Variants in OTOGL observed in about 807,000 individuals in gnomAD.
OTOGL encodes otogelin-like protein.
In OTOGL, 285 loss-of-function variants were observed where a neutral mutation model predicts 318.5. That is an observed-to-expected ratio of 0.89 (90% CI 0.81 to 0.99). OTOGL has a LOEUF of 0.99. OTOGL is among the 50% of genes least tolerant of loss of function. The pLI is 0.00. For missense variants in OTOGL, 2,899 were observed against 2,845.6 expected (o/e 1.02, Z -0.43); for synonymous variants, 987 against 936.5 (o/e 1.05, Z -0.99).
At position 80,310,713 on chromosome 12, in the gene OTOGL, T is replaced by A. The variant is rs750090512; in HGVS notation, c.3436T>A (p.Ser1146Thr). 6.4e-7 allele frequency: 1 copy of A among 1,574,026 alleles called. No individual in the cohort carries two copies. Among genetic ancestry groups the A allele is most frequent in the Non-Finnish European group, 8.6e-7 (1 of 1,156,720 alleles). ...CSILYSDIFA[S>T]CRNVIDVTSF... ...CATTTTGTACAGTGATATTTTTGCTTCTTGTCGCAATGTGGTAAATGAATA... is the reference window on the plus strand; with the variant it reads ...CATTTTGTACAGTGATATTTTTGCTACTTGTCGCAATGTGGTAAATGAATA... Residue 1146 changes from serine (S) to threonine (T), a missense_variant, in exon 30 of 59, where the codon TCT becomes ACT. This residue lies in a region of OTOGL where 2,607 missense variants were observed against 2,524.9 expected (regional missense o/e 1.03). Transcript: ENST00000547103.
intron 1 of OTOGL, among the ~76,000 whole-genome samples, chr12:80,173,106 AAGTC>A (rs1199446051): frequency 6.6e-6 from 1 of 152,276 alleles, no homozygotes; most frequent in African/African-American, 2.4e-5. Context: ...GGGGAACAAA[AAGTC>A]AGTCATGTTA....
chr12:80,143,022 C>T (rs567696604), intron 1 of OTOGL, among the ~76,000 whole-genome samples: 1 of 152,166 alleles, frequency 6.6e-6, no homozygotes, highest in Admixed American at 6.5e-5. Context: ...GAAAGATGGG[C>T]TGGGATGAAG....
chr12:80,297,208 C>A (rs1284462559), intron 27 of OTOGL, among the ~76,000 whole-genome samples: 1 of 149,934 alleles, frequency 6.7e-6, no homozygotes, highest in East Asian at 1.9e-4. Flanking sequence ...GCCCTTGCAA[C>A]CCCCACCTAT....
intron 44 of OTOGL, among the ~76,000 whole-genome samples, chr12:80,351,330 T>G (rs1265229349): frequency 2.0e-5 from 3 of 152,038 alleles, no homozygotes; most frequent in Non-Finnish European, 4.4e-5. Context: ...TGTTTGTTTG[T>G]GTTTGAGATA....
At chr12:80,268,931 C>T (rs1249674434) in intron 22 of OTOGL, among the ~76,000 whole-genome samples, 2 of 151,320 alleles carry the variant, frequency 1.3e-5, no homozygotes, top group Non-Finnish European at 2.9e-5. Context: ...CATCCCTCCT[C>T]AATGAAAAAA....
chr12:80,180,586 G>A (rs1209072215), intron 1 of OTOGL, among the ~76,000 whole-genome samples: 1 of 152,186 alleles, frequency 6.6e-6, no homozygotes, highest in Admixed American at 6.5e-5. Context: ...CCCATTTAAG[G>A]TGGGTCAGTT....
At chr12:80,339,301 T>C in intron 43 of OTOGL, 37 bp downstream of exon 43, 2 of 768,184 alleles carry the variant, frequency 2.6e-6, no homozygotes, top group Non-Finnish European at 1.8e-6. Flanking sequence ...TTCGTCTGTT[T>C]TTTTTTTTTT....
rs199972356 is a variant in OTOGL, at chr12:80,108,936, G to GTATATATA, written c.-20+9342_-20+9349dup. On this transcript the variant is annotated intron_variant, in intron 1 of 58. Transcript: ENST00000547103. ...TATATGTGTATATATATATGTGTGT[G>GTATATATA]TATATATATATATATATACACACAC... Among the ~76,000 whole-genome samples the GTATATATA allele has an allele frequency of 1.0e-4, 13 of 128,228 alleles. 1 individual carries two copies. The highest frequency in any genetic ancestry group is 3.5e-4 in the African/African-American group (11 of 31,268). The allele number at this position is 128,228 out of a possible 152,430, so 84.1% of individuals were successfully genotyped here.
At chr12:80,275,950 G>C (rs1196572822) in intron 24 of OTOGL, among the ~76,000 whole-genome samples, 4 of 73,254 alleles carry the variant, frequency 5.5e-5, no homozygotes, top group Non-Finnish European at 1.1e-4. Context: ...ATGTGTACTA[G>C]GAACCAAAAA....
chr12:80,114,412 C>A, intron 1 of OTOGL, among the ~76,000 whole-genome samples: 1 of 152,132 alleles, frequency 6.6e-6, no homozygotes, highest in East Asian at 1.9e-4. Flanking sequence ...GTTGAAAATT[C>A]TTTTCTTTAA....
At position 80,352,388 on chromosome 12, in the gene OTOGL, T is replaced by C; in HGVS notation, c.5359T>C (p.Cys1787Arg). Residue 1787 changes from cysteine to arginine, a missense_variant, in exon 45 of 59, where the codon TGC (cysteine) becomes CGC (arginine). By Grantham distance (180) the Cys-to-Arg change is radical (BLOSUM62 -3). Around this residue, in one of 3 missense-constraint regions of OTOGL, gnomAD observed 2,607 missense variants for 2,524.9 expected, o/e 1.03. Transcript: ENST00000547103. ...TGCACTTTCTGCATATGTGGCTCTG[T>C]GCAACAAGTTTGATATCTGTATTCA... is the stretch of plus-strand genomic sequence containing the variant. ...CDALSAYVALCNKFDICIQWR... is the reference protein window; with the variant it reads ...CDALSAYVALRNKFDICIQWR... The C allele has an allele frequency of 6.2e-7, 1 of 1,612,582 alleles. No homozygotes were observed. Among genetic ancestry groups the C allele is most frequent in the Non-Finnish European group, 8.5e-7 (1 of 1,179,082 alleles).
intron 1 of OTOGL, among the ~76,000 whole-genome samples, chr12:80,152,826 C>A (rs1318840727): frequency 6.6e-6 from 1 of 152,058 alleles, no homozygotes; most frequent in Middle Eastern, 3.2e-3. Flanking sequence ...GGGATTACCA[C>A]CCAGCTGGTG....
chr12:80,105,787 A>G (rs967767674), intron 1 of OTOGL, among the ~76,000 whole-genome samples: 3 of 152,146 alleles, frequency 2.0e-5, no homozygotes, highest in African/African-American at 7.2e-5. Flanking sequence ...CGGCATGACT[A>G]CATTTAAATA....
intron 1 of OTOGL, among the ~76,000 whole-genome samples, chr12:80,172,524 G>T (rs891922088): frequency 6.6e-6 from 1 of 152,090 alleles, no homozygotes; most frequent in African/African-American, 2.4e-5. Context: ...AGTCCTGCAG[G>T]TCAGGAGGGC....
chr12:80,304,409 A>AT (rs1885973011), intron 28 of OTOGL, among the ~76,000 whole-genome samples: 2 of 152,098 alleles, frequency 1.3e-5, no homozygotes, highest in South Asian at 4.1e-4. Flanking sequence ...ACATTGATGT[A>AT]TTTTTTTAAA....
chr12:80,326,273 A>G (rs149115106), intron 35 of OTOGL, among the ~76,000 whole-genome samples: 1,714 of 152,188 alleles, frequency 0.011, 32 homozygotes, highest in African/African-American at 0.039. Context: ...TAGAGCTTTT[A>G]CGAGAAAAGC....
chr12:80,187,540 T>A (rs990695400), intron 1 of OTOGL, among the ~76,000 whole-genome samples: 1 of 152,248 alleles, frequency 6.6e-6, no homozygotes, highest in African/African-American at 2.4e-5. Context: ...ATTCTGGGGT[T>A]GTTAATTTTA....
At position 80,278,213 on chromosome 12, in the gene OTOGL, A is replaced by G. The variant is rs545660625; in HGVS notation, c.2727A>G (p.Pro909=). The stretch of plus-strand genomic sequence containing the variant: ...AGTGTTATGTTCCTGAAAGCTGCCC[A>G]TGTATTTGGAAAGATTGGGAGTATC... ...RGKCYVPESC[P]CIWKDWEYLS... is the part of the protein sequence containing the mutation. Residue 909 remains proline (P), a synonymous_variant, in exon 25 of 59, where the codon CCA becomes CCG. Coordinates refer to ENST00000547103, the MANE Select transcript of OTOGL (RefSeq NM_001378609.3). 8.4e-6 allele frequency: 13 copies of G among 1,547,188 alleles called. No individual in the cohort carries two copies. In the South Asian group the frequency reaches 1.4e-4, roughly 17 times the overall value.
chr12:80,367,423 G>A (rs73141134), intron 53 of OTOGL, 138 bp from the exon 54 acceptor site: 16,631 of 554,886 alleles, frequency 0.03, 283 homozygotes, highest in Non-Finnish European at 0.038. Flanking sequence ...ATTAAAATAC[G>A]TAAATATGAA....
Sources: allele counts gnomAD v4.1 joint callset (sites outside exome capture counted in the v4.1 genomes callset), GRCh38; gene constraint gnomAD v4.1.1; regional missense constraint gnomAD v4.1.1; transcripts MANE v1.5; gene names NCBI Gene and HGNC (gene_info 2026-07-23, HGNC 2026-07-21).